RAD17: variants seen among roughly 807,000 people sequenced by gnomAD.
The protein encoded by RAD17 is RAD17 checkpoint clamp loader component.
In RAD17, 31 loss-of-function variants were observed where a neutral mutation model predicts 81.5. The observed-to-expected ratio is 0.38, with a 90% CI of 0.29 to 0.51. The LOEUF is 0.51. Among genes scored for constraint, RAD17 ranks in the 20% least tolerant of loss-of-function variants. RAD17 has a pLI of 0.88. For missense variants in RAD17, 681 were observed against 781.2 expected (o/e 0.87, Z 1.53); for synonymous variants, 261 against 266.2 (o/e 0.98, Z 0.19).
intron 6 of RAD17, among the ~76,000 whole-genome samples, chr5:69,381,429 C>T (rs999389537): frequency 6.6e-6 from 1 of 151,190 alleles, no homozygotes; most frequent in Non-Finnish European, 1.5e-5. Flanking sequence ...TGCAGTGAGC[C>T]GAGATTATGC....
upstream of RAD17, chr5:69,369,314 C>T: frequency 1.5e-6 from 1 of 667,626 alleles, no homozygotes; most frequent in Non-Finnish European, 2.1e-6. Flanking sequence ...CCGCGAGGGT[C>T]GGCTCCCGGG....
chr5:69,409,966 GC>G (rs1765866212), intron 17 of RAD17, among the ~76,000 whole-genome samples: 1 of 152,064 alleles, frequency 6.6e-6, no homozygotes, highest in East Asian at 1.9e-4. Flanking sequence ...TGATGTCATC[GC>G]AGTTCATTTG....
chr5:69,406,768 A>G (rs1472364408), intron 17 of RAD17, among the ~76,000 whole-genome samples: 1 of 152,010 alleles, frequency 6.6e-6, no homozygotes, highest in African/African-American at 2.4e-5. Context: ...CAGCCTCCCA[A>G]AGTGCTGGGA....
intron 16 of RAD17, among the ~76,000 whole-genome samples, chr5:69,397,985 C>G (rs556461502): frequency 6.6e-6 from 1 of 152,210 alleles, no homozygotes; most frequent in East Asian, 1.9e-4. Flanking sequence ...GGTGTGGCGG[C>G]GTGCGCCTGT....
At chr5:69,382,139 AT>A in intron 7 of RAD17, 82 bp downstream of exon 7, 3 of 1,431,640 alleles carry the variant, frequency 2.1e-6, no homozygotes, top group Non-Finnish European at 2.9e-6. Context: ...CTATGAGTGC[AT>A]TTTTTCCCAT....
At chr5:69,378,957 A>G (rs1763678822) in intron 6 of RAD17, among the ~76,000 whole-genome samples, 1 of 152,168 alleles carries the variant, frequency 6.6e-6, no homozygotes. Context: ...AGTACAGTAA[A>G]AAGGCCGGGC....
chr5:69,404,888 C>T (rs991652314), intron 17 of RAD17, among the ~76,000 whole-genome samples: 5 of 151,888 alleles, frequency 3.3e-5, no homozygotes, highest in African/African-American at 1.2e-4. Flanking sequence ...TGCAGTGAGC[C>T]GAGATCACGC....
chr5:69,391,340 C>T (rs1049742994), intron 12 of RAD17, among the ~76,000 whole-genome samples: 1 of 152,028 alleles, frequency 6.6e-6, no homozygotes, highest in Non-Finnish European at 1.5e-5. Flanking sequence ...GAAACCAAGG[C>T]GATGTGACTG....
rs759005161 is a variant in RAD17, at chr5:69,389,011, T to C, written c.895-23T>C. 5.5e-6 allele frequency: 7 copies of C among 1,262,618 alleles called. No homozygotes were observed. In the East Asian group the frequency reaches 1.1e-4, roughly 20 times the overall value. The allele number at this position is 1,262,618 out of a possible 1,614,324, so 78.2% of individuals were successfully genotyped here. ...TTATTTTTAAGAAAATACTTTTTTT[T>C]AAATTTAATTTTCTTATTTTAGAAT... On this transcript the variant is annotated intron_variant, in intron 11 of 18. Coordinates refer to ENST00000354868, the MANE Select transcript of RAD17 (RefSeq NM_133338.3).
In RAD17 at chr5:69,414,387, ACAC is replaced by A; in HGVS notation, c.*96_*98del. On this transcript the variant is annotated 3_prime_UTR_variant, in exon 19 of 19. Coordinates refer to ENST00000354868, the MANE Select transcript of RAD17 (RefSeq NM_133338.3). ...AGTTAATATGCTTTTCTGATGAATTACACAACAGTTTGTTAATTCTTCATTCTT... is the reference window on the plus strand; with the variant it reads ...AGTTAATATGCTTTTCTGATGAATTAAACAGTTTGTTAATTCTTCATTCTT... The A allele has an allele frequency of 7.5e-7, 1 of 1,328,868 alleles. No homozygotes were observed. Among genetic ancestry groups the A allele is most frequent in the Non-Finnish European group, 1.0e-6 (1 of 966,294 alleles). The allele number at this position is 1,328,868 out of a possible 1,614,324, so 82.3% of individuals were successfully genotyped here.
At chr5:69,385,502 C>A (rs181517808) in intron 8 of RAD17, among the ~76,000 whole-genome samples, 94 of 151,910 alleles carry the variant, frequency 6.2e-4, no homozygotes, top group Non-Finnish European at 1.0e-4. Context: ...AACTCCTGAC[C>A]TCAAGGTAAT....
intron 17 of RAD17, among the ~76,000 whole-genome samples, chr5:69,406,885 T>C (rs1044321590): frequency 1.3e-5 from 2 of 152,060 alleles, no homozygotes; most frequent in Non-Finnish European, 2.9e-5. Context: ...TGTGAGGTAA[T>C]ATATATGTTA....
chr5:69,393,562 A>G, intron 15 of RAD17, 62 bp downstream of exon 15: 4 of 1,467,486 alleles, frequency 2.7e-6, no homozygotes, highest in Non-Finnish European at 3.7e-6. Flanking sequence ...AAGAAAAGAA[A>G]GTTTACTTTT....
chr5:69,373,228 T>C (rs886710738), intron 4 of RAD17, among the ~76,000 whole-genome samples: 5 of 152,172 alleles, frequency 3.3e-5, no homozygotes, highest in African/African-American at 1.2e-4. Flanking sequence ...TATGTTTCAA[T>C]CCTACAGAGA....
At chr5:69,410,641 C>T in intron 18 of RAD17, 91 bp downstream of exon 18, 1 of 1,169,862 alleles carries the variant, frequency 8.5e-7, no homozygotes, top group Non-Finnish European at 1.3e-6. Context: ...CCTGTAACAT[C>T]CAAGAAAGAC....
chr5:69,373,686 ATTTTTTTTTTTTT>A (rs56385833), intron 4 of RAD17, 131 bp from the exon 5 acceptor site: 15 of 251,926 alleles, frequency 6.0e-5, no homozygotes, highest in Admixed American at 4.1e-4. Context: ...TCTCAAAAAA[ATTTTTTTTTTTTT>A]TTTTTTTTTT....
At position 69,381,881 on chromosome 5, in the gene RAD17, A is replaced by G. The variant is rs1203281117; in HGVS notation, c.352-20A>G. The G allele has an allele frequency of 5.8e-6, 9 of 1,543,090 alleles. No individual in the cohort carries two copies. The highest frequency in any genetic ancestry group is 2.8e-5 in the African/African-American group (2 of 71,788). ...TTCCAGTGATTTTGGTTTTTAATTCATATTTGTATTTGATTTTAGGGTGGA... is the reference window on the plus strand; with the variant it reads ...TTCCAGTGATTTTGGTTTTTAATTCGTATTTGTATTTGATTTTAGGGTGGA... On this transcript the variant is annotated intron_variant, in intron 6 of 18. Transcript: ENST00000354868.
chr5:69,374,470 A>T (rs894460971), intron 5 of RAD17, among the ~76,000 whole-genome samples, 158 bp from the exon 6 acceptor site: 2 of 152,226 alleles, frequency 1.3e-5, no homozygotes, highest in Non-Finnish European at 2.9e-5. Flanking sequence ...CCATAATAGT[A>T]TAAAAATTCA....
intron 6 of RAD17, among the ~76,000 whole-genome samples, chr5:69,378,490 C>G (rs555194820): frequency 1.1e-4 from 16 of 152,256 alleles, no homozygotes; most frequent in Middle Eastern, 3.4e-3. Flanking sequence ...GCATAGGCTT[C>G]TTTTTCTTTG....
Sources: gnomAD v4.1 joint callset for allele counts (sites outside exome capture counted in the v4.1 genomes callset) on GRCh38, gnomAD v4.1.1 for gene constraint, MANE v1.5 for transcripts, NCBI Gene and HGNC (gene_info 2026-07-23, HGNC 2026-07-21) for gene names.